RTN4: variants seen among roughly 807,000 people sequenced by gnomAD.
The protein encoded by RTN4 is reticulon-4.
A neutral mutation model predicts 90.4 loss-of-function variants in RTN4; 32 were observed. The observed-to-expected ratio is 0.35, with a 90% CI of 0.27 to 0.48. The LOEUF (loss-of-function observed/expected upper bound fraction) is 0.48. Ranked by LOEUF, RTN4 falls within the 20% of genes least tolerant of loss-of-function variation. RTN4 has a pLI of 0.99. For missense variants in RTN4, 1,706 were observed against 1,430.2 expected (o/e 1.19, Z -3.11); for synonymous variants, 629 against 552.5 (o/e 1.14, Z -1.94).
chr2:55,026,446 A>C lies in RTN4; in HGVS notation c.1653T>G (p.Thr551=). The C allele has an allele frequency of 6.2e-7, 1 of 1,613,898 alleles. No homozygotes were observed. Among genetic ancestry groups the C allele is most frequent in the Non-Finnish European group, 8.5e-7 (1 of 1,179,896 alleles). ...CACATGCTTCCTGTACTAAATCTGG[A>C]GTCAGGCCTTCAGGCATGTTTGCCA... is the stretch of plus-strand genomic sequence containing the variant. ...EVVANMPEGL[T]PDLVQEACES... is the part of the protein sequence containing the mutation. Residue 551 remains threonine (T), a synonymous_variant, in exon 3 of 9, where the codon ACT becomes ACG. Coordinates refer to ENST00000337526, the MANE Select transcript of RTN4 (RefSeq NM_020532.5).
upstream of RTN4, among the ~76,000 whole-genome samples, chr2:55,054,023 G>A (rs907527312): frequency 9.9e-5 from 15 of 152,006 alleles, no homozygotes; most frequent in Admixed American, 7.9e-4. Flanking sequence ...ACATTATTAG[G>A]GTGATGGATA....
At chr2:55,003,613 T>G (rs955432321) in intron 3 of RTN4, among the ~76,000 whole-genome samples, 42 of 152,204 alleles carry the variant, frequency 2.8e-4, no homozygotes, top group African/African-American at 9.9e-4. Flanking sequence ...GCCCAAATTC[T>G]AGCAAGAGAT....
intron 1 of RTN4, among the ~76,000 whole-genome samples, chr2:55,107,769 A>G (rs1467111518): frequency 6.6e-6 from 1 of 152,070 alleles, no homozygotes; most frequent in Non-Finnish European, 1.5e-5. Context: ...AGAGATCCCA[A>G]CTCAGGATTT....
intron 3 of RTN4, among the ~76,000 whole-genome samples, chr2:54,997,656 A>G (rs377589319): frequency 7.9e-5 from 12 of 152,360 alleles, no homozygotes; most frequent in Admixed American, 3.9e-4. Context: ...TCCATATAAC[A>G]GAATATTATT....
chr2:55,014,973 T>C (rs529601604), intron 3 of RTN4, among the ~76,000 whole-genome samples: 2 of 152,326 alleles, frequency 1.3e-5, no homozygotes, highest in Admixed American at 1.3e-4. Flanking sequence ...AAAGCATTTG[T>C]TTGATTTGGT....
chr2:54,987,266 A>G (rs1678637773), intron 4 of RTN4, among the ~76,000 whole-genome samples: 1 of 152,244 alleles, frequency 6.6e-6, no homozygotes, highest in Non-Finnish European at 1.5e-5. Context: ...AACAAGTAGC[A>G]GAGTTAGTTT....
chr2:55,084,144 A>T (rs1170607697), intron 1 of RTN4, among the ~76,000 whole-genome samples: 1 of 152,166 alleles, frequency 6.6e-6, no homozygotes, highest in Non-Finnish European at 1.5e-5. Context: ...TTAAGCCTCC[A>T]TAAAAATCCC....
the RTN4 span, among the ~76,000 whole-genome samples, chr2:55,134,277 G>A: frequency 1.3e-5 from 2 of 152,220 alleles, no homozygotes; most frequent in African/African-American, 4.8e-5. Context: ...GGGTCTTTAT[G>A]ATTTGTATCT....
chr2:55,042,408 T>A (rs1683137734), intron 1 of RTN4, among the ~76,000 whole-genome samples: 1 of 152,180 alleles, frequency 6.6e-6, no homozygotes, highest in Non-Finnish European at 1.5e-5. Context: ...AATAAGGGAC[T>A]GATTAAATAA....
intron 1 of RTN4, among the ~76,000 whole-genome samples, chr2:55,039,861 T>C: frequency 6.6e-6 from 1 of 152,214 alleles, no homozygotes; most frequent in East Asian, 1.9e-4. Context: ...AACCGTAGTT[T>C]TACCCTCAAC....
chr2:55,036,599 C>CAAAAAAAAAA (rs71410411), intron 1 of RTN4, among the ~76,000 whole-genome samples: 14 of 72,992 alleles, frequency 1.9e-4, no homozygotes, highest in South Asian at 4.8e-4. Flanking sequence ...AAGACTGTCT[C>CAAAAAAAAAA]AAAAAAAAAA....
intron 1 of RTN4, among the ~76,000 whole-genome samples, chr2:55,033,218 C>G (rs1682450048): frequency 6.6e-6 from 1 of 151,922 alleles, no homozygotes; most frequent in Admixed American, 6.6e-5. Flanking sequence ...AGAGACAACC[C>G]TAAAAACAGT....
At chr2:55,005,665 A>G (rs1250537964) in intron 3 of RTN4, among the ~76,000 whole-genome samples, 1 of 152,154 alleles carries the variant, frequency 6.6e-6, no homozygotes, top group Non-Finnish European at 1.5e-5. Context: ...TTACAGGTTG[A>G]GTATTACTGT....
At position 55,050,302 on chromosome 2, in the gene RTN4, G is replaced by A. The variant is rs1446616625; in HGVS notation, c.-2C>T. The A allele has an allele frequency of 7.7e-6, 11 of 1,422,740 alleles. No individual in the cohort carries two copies. The highest frequency in any genetic ancestry group is 2.7e-5 in the East Asian group (1 of 36,428). The allele number at this position is 1,422,740 out of a possible 1,614,324, so 88.1% of individuals were successfully genotyped here. A position where few individuals can be genotyped will look rare whatever the true frequency, so the allele number is the denominator to read the frequency against. On this transcript the variant is annotated 5_prime_UTR_variant, in exon 1 of 9. Coordinates refer to ENST00000337526, the MANE Select transcript of RTN4 (RefSeq NM_020532.5). This position sits in a 1 kb window ranked among gnomAD's most constrained non-coding sequence, Gnocchi z 4.6. ...AGGAGACTGGTCCAGGTCTTCCATG[G>A]CTGGAGGGTGGAGATGATGCTGCAG... is the stretch of plus-strand genomic sequence containing the variant.
Position 55,021,593 on chromosome 2 carries a change from G to C in RTN4, c.3013+3493C>G, listed in dbSNP as rs111802024. Among the ~76,000 whole-genome samples, 865 of 152,114 alleles carry C rather than the reference G, an allele frequency of 5.7e-3. 8 individuals are homozygous for C. The highest frequency in any genetic ancestry group is 0.019 in the African/African-American group (804 of 41,490). On this transcript the variant is annotated intron_variant, in intron 3 of 8. Coordinates refer to ENST00000337526, the MANE Select transcript of RTN4 (RefSeq NM_020532.5). ...CCACCTCTCCCTCCCTGAAAGCTGG[G>C]ATTACAGGCGTAAGCCATTGTGACT...
intron 1 of RTN4, among the ~76,000 whole-genome samples, chr2:55,104,691 T>G (rs564521420): frequency 6.6e-6 from 1 of 152,064 alleles, no homozygotes; most frequent in Admixed American, 6.6e-5. Context: ...TGAAGAGACA[T>G]CCATTCCTTC....
At chr2:55,125,905 C>T in the RTN4 span, among the ~76,000 whole-genome samples, 1 of 151,000 alleles carries the variant, frequency 6.6e-6, no homozygotes. Context: ...AATAAAAATA[C>T]AAAAAATTAG....
chr2:55,005,219 A>T (rs1334535990), intron 3 of RTN4, among the ~76,000 whole-genome samples: 1 of 152,202 alleles, frequency 6.6e-6, no homozygotes, highest in East Asian at 1.9e-4. Flanking sequence ...TTAGAGTTGC[A>T]CTTTGGAAGA....
At chr2:55,074,388 AGC>A (rs569422785) in intron 2 of RTN4, among the ~76,000 whole-genome samples, 118 of 151,868 alleles carry the variant, frequency 7.8e-4, no homozygotes, top group Non-Finnish European at 1.4e-3. Flanking sequence ...CTGTAGTCCT[AGC>A]TACTTAGGAA....
Sources: allele counts gnomAD v4.1 joint callset (sites outside exome capture counted in the v4.1 genomes callset), GRCh38; gene constraint gnomAD v4.1.1; non-coding constraint Gnocchi (gnomAD v3.1); transcripts MANE v1.5; gene names NCBI Gene and HGNC (gene_info 2026-07-23, HGNC 2026-07-21).